The following ALK variants were observed in gnomAD, a reference collection of about 807,000 sequenced individuals.
The protein encoded by ALK is ALK receptor tyrosine kinase, also known as ALK tyrosine kinase receptor.
ALK carries 74 observed loss-of-function variants against 163.1 expected under a neutral mutation model. That is an observed-to-expected ratio of 0.45 (90% CI 0.38 to 0.55). The LOEUF (loss-of-function observed/expected upper bound fraction) is 0.55. ALK is among the 20% of genes least tolerant of loss of function. The probability of loss-of-function intolerance (pLI) is 0.00; values close to 1 mark genes in which losing one functional copy is unlikely to be tolerated. For synonymous variants in ALK, 960 were observed against 843.2 expected (o/e 1.14, Z -2.40); for missense variants, 2,063 against 2,105.3 (o/e 0.98, Z 0.39).
At chr2:29,505,361 G>GA (rs1247600933) in intron 4 of ALK, among the ~76,000 whole-genome samples, 1 of 152,202 alleles carries the variant, frequency 6.6e-6, no homozygotes, top group Non-Finnish European at 1.5e-5. Flanking sequence ...ATCTCAAGAT[G>GA]ATTGAACTAT....
chr2:29,296,987 G>T lies in ALK; in HGVS notation c.1718C>A (p.Thr573Asn), dbSNP rs1666205088. Residue 573 changes from threonine to asparagine, a missense_variant, in exon 9 of 29, where the codon ACC becomes AAC. Thr to Asn is a moderately conservative substitution (Grantham distance 65, BLOSUM62 0). Around this residue, in one of 5 missense-constraint regions of ALK, gnomAD observed 987 missense variants for 939.5 expected, o/e 1.05. Coordinates refer to ENST00000389048, the MANE Select transcript of ALK (RefSeq NM_004304.5). ...GACCATCCTGCCTTGCTCCTTCCCG[G>T]TTTTGTTCTCCACTAGCACCAAGGA... ...NVSLVLVENK[T>N]GKEQGRMVWH... The T allele has an allele frequency of 6.2e-7, 1 of 1,614,192 alleles. No individual in the cohort carries two copies. Among genetic ancestry groups the T allele is most frequent in the Non-Finnish European group, 8.5e-7 (1 of 1,180,018 alleles).
chr2:29,577,388 C>T (rs978432498), intron 3 of ALK, among the ~76,000 whole-genome samples: 16 of 152,198 alleles, frequency 1.1e-4, no homozygotes, highest in African/African-American at 3.4e-4. Context: ...ACTTCCTCCC[C>T]TCCCTCAGGT....
chr2:29,755,644 C>T (rs1169631533), intron 1 of ALK, among the ~76,000 whole-genome samples: 1 of 152,144 alleles, frequency 6.6e-6, no homozygotes, highest in Non-Finnish European at 1.5e-5. Context: ...AAACTGAGCA[C>T]ATTATATCCC....
At chr2:29,438,804 T>C (rs1670465677) in intron 4 of ALK, among the ~76,000 whole-genome samples, 2 of 152,314 alleles carry the variant, frequency 1.3e-5, no homozygotes, top group South Asian at 4.1e-4. Flanking sequence ...AGAGCAAACC[T>C]GTCCTCAGGG....
intron 5 of ALK, among the ~76,000 whole-genome samples, chr2:29,370,253 A>G (rs1484046470): frequency 1.3e-5 from 2 of 152,132 alleles, no homozygotes; most frequent in African/African-American, 4.8e-5. Flanking sequence ...GTTCTCCTGG[A>G]TCTCTGGGTA....
At chr2:29,717,054 C>T (rs1318949738) in intron 2 of ALK, among the ~76,000 whole-genome samples, 1 of 148,966 alleles carries the variant, frequency 6.7e-6, no homozygotes. Context: ...AGCCTGTAGT[C>T]CCAGCTACTC....
chr2:29,449,549 C>T (rs932028761), intron 4 of ALK, among the ~76,000 whole-genome samples: 2 of 152,216 alleles, frequency 1.3e-5, no homozygotes, highest in Admixed American at 6.5e-5. Flanking sequence ...TGGTGCATTT[C>T]CATTCACAGT....
At chr2:29,453,374 G>C (rs1670870660) in intron 4 of ALK, among the ~76,000 whole-genome samples, 1 of 151,950 alleles carries the variant, frequency 6.6e-6, no homozygotes, top group Admixed American at 6.6e-5. Context: ...GGGACTACAA[G>C]TGTGCACCAA....
At chr2:29,504,028 T>A (rs558294634) in intron 4 of ALK, among the ~76,000 whole-genome samples, 4 of 151,958 alleles carry the variant, frequency 2.6e-5, no homozygotes, top group African/African-American at 9.7e-5. Context: ...GAACCAAATA[T>A]ATTAATTAAT....
At chr2:29,796,747 G>A (rs188868918) in intron 1 of ALK, among the ~76,000 whole-genome samples, 1 of 152,188 alleles carries the variant, frequency 6.6e-6, no homozygotes, top group East Asian at 1.9e-4. Flanking sequence ...GATGCAAATG[G>A]AGCTGCAACT....
At chr2:29,518,235 C>T (rs563516179) in intron 4 of ALK, among the ~76,000 whole-genome samples, 3 of 152,274 alleles carry the variant, frequency 2.0e-5, no homozygotes, top group African/African-American at 7.2e-5. Context: ...ATTCATTTTG[C>T]AGTGGGCCTG....
intron 1 of ALK, among the ~76,000 whole-genome samples, chr2:29,765,481 AT>A (rs531806818): frequency 6.6e-6 from 1 of 151,564 alleles, no homozygotes; most frequent in Admixed American, 6.6e-5. Context: ...CTTTTTATTT[AT>A]TTTTTATTTT....
intron 3 of ALK, among the ~76,000 whole-genome samples, chr2:29,597,600 G>A (rs1463169851): frequency 1.3e-5 from 2 of 152,154 alleles, no homozygotes; most frequent in African/African-American, 4.8e-5. Flanking sequence ...CAACTAAGAG[G>A]TCTCAACTGG....
At chr2:29,882,023 C>CCA (rs374131111) in intron 1 of ALK, among the ~76,000 whole-genome samples, 3 of 152,074 alleles carry the variant, frequency 2.0e-5, no homozygotes, top group African/African-American at 4.8e-5. Flanking sequence ...CAGTGAAGAC[C>CCA]CACACACACA....
At chr2:29,304,049 G>A (rs1337804524) in intron 8 of ALK, among the ~76,000 whole-genome samples, 11 of 152,172 alleles carry the variant, frequency 7.2e-5, no homozygotes, top group Admixed American at 5.2e-4. Context: ...GATACAAGCA[G>A]TCCAGAGCCT....
At chr2:29,196,053 C>T (rs745727772) in intron 28 of ALK, among the ~76,000 whole-genome samples, 4 of 151,926 alleles carry the variant, frequency 2.6e-5, no homozygotes, top group Admixed American at 6.6e-5. Flanking sequence ...GCATAGCTGT[C>T]GGCTGAAAAT....
chr2:29,378,262 G>A (rs1013026929), intron 5 of ALK, among the ~76,000 whole-genome samples: 1 of 152,174 alleles, frequency 6.6e-6, no homozygotes, highest in Non-Finnish European at 1.5e-5. Flanking sequence ...TAAGGTGGAG[G>A]CAGAAAGCAC....
intron 1 of ALK, among the ~76,000 whole-genome samples, chr2:29,840,501 G>C (rs1379195809): frequency 6.6e-6 from 1 of 152,086 alleles, no homozygotes; most frequent in Non-Finnish European, 1.5e-5. Flanking sequence ...AAATCATCTG[G>C]TTTTGCTTAG....
chr2:29,678,883 T>G (rs1224518364), intron 3 of ALK, among the ~76,000 whole-genome samples: 1 of 151,798 alleles, frequency 6.6e-6, no homozygotes, highest in Non-Finnish European at 1.5e-5. Flanking sequence ...AGGTGTTTAT[T>G]TGTCAGTTAG....
Sources: gnomAD v4.1 joint callset for allele counts (sites outside exome capture counted in the v4.1 genomes callset) on GRCh38, gnomAD v4.1.1 for gene constraint, gnomAD v4.1.1 regional missense constraint, MANE v1.5 for transcripts, NCBI Gene and HGNC (gene_info 2026-07-23, HGNC 2026-07-21) for gene names.